The following TMTC4 variants were observed in gnomAD, a reference collection of about 807,000 sequenced individuals.
The protein encoded by TMTC4 is protein O-mannosyl-transferase TMTC4.
TMTC4 carries 65 observed loss-of-function variants against 86.0 expected under a neutral mutation model. The observed-to-expected ratio is 0.76, with a 90% CI of 0.62 to 0.93. TMTC4 has a LOEUF of 0.93. Ranked by LOEUF, TMTC4 falls within the 40% of genes least tolerant of loss-of-function variation. The pLI is 0.00. For synonymous variants in TMTC4, 379 were observed against 382.5 expected (o/e 0.99, Z 0.11); for missense variants, 866 against 948.1 (o/e 0.91, Z 1.14).
In TMTC4 at chr13:100,637,495, G is replaced by A. The variant is rs754717590; in HGVS notation, c.999+43C>T. The A allele has an allele frequency of 1.9e-6, 3 of 1,572,416 alleles. No homozygotes were observed. The East Asian group carries it at 6.8e-5, about 36-fold the overall frequency. ...GGGGTGAGGGATCTGGGAATCTGGT[G>A]GGGGAAGAAAAGAGTCCAGGGGGCG... On this transcript the variant is annotated intron_variant, in intron 9 of 18. Transcript: ENST00000342624.
intron 15 of TMTC4, chr13:100,623,891 G>A (rs1394686995): frequency 4.0e-6 from 2 of 497,554 alleles, no homozygotes; most frequent in South Asian, 1.5e-5. Flanking sequence ...TTCTCTTGTT[G>A]GTGATGGAGG....
chr13:100,673,339 G>A (rs1594399004), intron 1 of TMTC4: 1 of 985,308 alleles, frequency 1.0e-6, no homozygotes, highest in African/African-American at 1.7e-5. Context: ...GGAAAAATTA[G>A]CAGCAGCCAC....
intron 6 of TMTC4, among the ~76,000 whole-genome samples, chr13:100,647,282 AC>A (rs527354190): frequency 2.0e-5 from 3 of 152,046 alleles, no homozygotes; most frequent in Non-Finnish European, 2.9e-5. Flanking sequence ...AGAGCAAGAG[AC>A]CCCTGGCCCC....
Position 100,670,389 on chromosome 13 carries a change from G to C in TMTC4, c.-27C>G. On this transcript the variant is annotated 5_prime_UTR_variant, in exon 2 of 19. Transcript: ENST00000342624. ...CCATGGTGATGCTGTCCCCTTCCAG[G>C]GGCCAGAAGGAGGCTCAGATTTACA... 8 of 1,602,158 alleles carry C rather than the reference G, an allele frequency of 5.0e-6. No homozygotes were observed. Among genetic ancestry groups the C allele is most frequent in the East Asian group, 2.3e-5 (1 of 43,702 alleles).
chr13:100,645,155 C>A (rs1883558399), intron 6 of TMTC4, among the ~76,000 whole-genome samples: 1 of 152,156 alleles, frequency 6.6e-6, no homozygotes, highest in South Asian at 2.1e-4. Flanking sequence ...CTTTTGCCTT[C>A]AGGATAATGG....
intron 1 of TMTC4, chr13:100,674,453 T>G (rs1344345252): frequency 1.7e-4 from 154 of 896,612 alleles, no homozygotes; most frequent in Non-Finnish European, 2.0e-4. Context: ...GGCGGCGACC[T>G]CTGCCCGGGC....
chr13:100,645,677 G>C lies in TMTC4; in HGVS notation c.641-3366C>G, dbSNP rs747236082. Among the ~76,000 whole-genome samples the C allele has an allele frequency of 4.1e-4, 62 of 152,174 alleles. 1 individual carries two copies. The highest frequency in any genetic ancestry group is 2.1e-3 in the Admixed American group (32 of 15,282). ...GCCTTGTTCACTGACTGCCCCCGTA[G>C]ATTAGGTTAGGCCCAGCTGTAGTGC... On this transcript the variant is annotated intron_variant, in intron 6 of 18. Transcript: ENST00000342624.
At chr13:100,661,949 T>C (rs1885828213) in intron 5 of TMTC4, among the ~76,000 whole-genome samples, 1 of 152,138 alleles carries the variant, frequency 6.6e-6, no homozygotes, top group Non-Finnish European at 1.5e-5. Flanking sequence ...CAGTCAAATC[T>C]TGTCCCTCAG....
chr13:100,644,848 T>C (rs1019026268), intron 6 of TMTC4, among the ~76,000 whole-genome samples: 1 of 151,504 alleles, frequency 6.6e-6, no homozygotes, highest in African/African-American at 2.4e-5. Flanking sequence ...GGAGTATCGC[T>C]CTGTCACCCA....
At chr13:100,606,527 CCTT>C in intron 17 of TMTC4, 100 bp from the exon 18 acceptor site, 1 of 918,356 alleles carries the variant, frequency 1.1e-6, no homozygotes, top group Non-Finnish European at 1.7e-6. Context: ...TTAACCTCCT[CCTT>C]TTGTATCAAT....
chr13:100,626,069 AC>A lies in TMTC4; in HGVS notation c.1586+1del. ...TTCTTCTGTAAGACATACTCGCCAT[AC>A]CTTACAGCTTCCCGGTAGTATCTGA... On this transcript the variant is annotated splice_donor_variant, in intron 13 of 18. Coordinates refer to ENST00000342624, the MANE Select transcript of TMTC4 (RefSeq NM_032813.5). LOFTEE classifies it high-confidence loss of function. 1 of 1,614,164 alleles carries A rather than the reference AC, an allele frequency of 6.2e-7. No individual in the cohort carries two copies. The highest frequency in any genetic ancestry group is 2.2e-5 in the East Asian group (1 of 44,886).
intron 6 of TMTC4, 24 bp from the exon 7 acceptor site, chr13:100,642,335 G>A: frequency 6.2e-7 from 1 of 1,612,508 alleles, no homozygotes; most frequent in Non-Finnish European, 8.5e-7. Flanking sequence ...GAAATGATCA[G>A]TGCAAAAGTC....
intron 5 of TMTC4, among the ~76,000 whole-genome samples, chr13:100,656,834 G>A (rs1263206696): frequency 1.3e-5 from 2 of 152,090 alleles, no homozygotes; most frequent in African/African-American, 2.4e-5. Context: ...GTGAGCCACC[G>A]TGCCTAGCCA....
At chr13:100,639,880 T>C (rs879332516) in intron 7 of TMTC4, among the ~76,000 whole-genome samples, 13 of 151,706 alleles carry the variant, frequency 8.6e-5, no homozygotes, top group Non-Finnish European at 1.3e-4. Context: ...GTGGAGGTCG[T>C]AGTAAGCTGA....
At chr13:100,646,684 C>T (rs534793094) in intron 6 of TMTC4, among the ~76,000 whole-genome samples, 6 of 152,318 alleles carry the variant, frequency 3.9e-5, no homozygotes, top group African/African-American at 1.2e-4. Flanking sequence ...GTCAGGCTTC[C>T]TCTACTGAAT....
intron 6 of TMTC4, among the ~76,000 whole-genome samples, chr13:100,647,244 TA>T (rs1883871374): frequency 6.6e-6 from 1 of 152,198 alleles, no homozygotes; most frequent in African/African-American, 2.4e-5. Flanking sequence ...CCTGATTAAT[TA>T]CCATGGGATC....
chr13:100,656,347 G>A (rs745527475), intron 6 of TMTC4, 34 bp downstream of exon 6: 1 of 1,575,296 alleles, frequency 6.3e-7, no homozygotes, highest in South Asian at 1.1e-5. Context: ...ACATGAAGAA[G>A]GTGGAAAATT....
intron 16 of TMTC4, 152 bp from the exon 17 acceptor site, chr13:100,612,662 CACACA>C: frequency 4.1e-6 from 1 of 245,696 alleles, no homozygotes; most frequent in Middle Eastern, 9.9e-4. Flanking sequence ...AATACACACA[CACACA>C]CACACACACA....
intron 1 of TMTC4, 123 bp downstream of exon 1, chr13:100,674,621 C>G (rs1450852725): frequency 5.1e-6 from 5 of 982,794 alleles, no homozygotes; most frequent in Non-Finnish European, 6.0e-6. Context: ...CAGCGCCGCT[C>G]TGGCCCGGGC....
Sources: gnomAD v4.1 joint callset for allele counts (sites outside exome capture counted in the v4.1 genomes callset) on GRCh38, gnomAD v4.1.1 for gene constraint, MANE v1.5 for transcripts, NCBI Gene and HGNC (gene_info 2026-07-23, HGNC 2026-07-21) for gene names.